The following CDK12 variants were observed in gnomAD, a reference collection of about 807,000 sequenced individuals.
CDK12 encodes the protein cyclin dependent kinase 12.
A neutral mutation model predicts 133.8 loss-of-function variants in CDK12; 17 were observed. The ratio of observed to expected loss-of-function variants is 0.13; its 90% confidence interval spans 0.09 to 0.19. The LOEUF is 0.19. Ranked by LOEUF, CDK12 falls within the 10% of genes least tolerant of loss-of-function variation. The probability of loss-of-function intolerance (pLI) is 1.00; values close to 1 mark genes in which losing one functional copy is unlikely to be tolerated. For missense variants in CDK12, 1,508 were observed against 1,818.7 expected (o/e 0.83, Z 3.11); for synonymous variants, 694 against 683.6 (o/e 1.02, Z -0.24).
At chr17:39,496,309 C>G (rs2052106780) in intron 5 of CDK12, among the ~76,000 whole-genome samples, 1 of 152,116 alleles carries the variant, frequency 6.6e-6, no homozygotes, top group Non-Finnish European at 1.5e-5. Flanking sequence ...AGCAATTTCT[C>G]ATATCATTAA....
chr17:39,471,044 G>A lies in CDK12; in HGVS notation c.1212G>A (p.Lys404=). The A allele has an allele frequency of 2.5e-6, 4 of 1,614,076 alleles. No individual in the cohort carries two copies. Among genetic ancestry groups the A allele is most frequent in the Non-Finnish European group, 3.4e-6 (4 of 1,180,012 alleles). The change falls in exon 2 of 14, where the codon AAG becomes AAA. Residue 404 remains lysine, a synonymous_variant. Transcript: ENST00000447079. ...SLGAELSRKK[K]ERAAAAAAAK... is the part of the protein sequence containing the mutation. ...GAGCTGAACTCAGTAGGAAAAAGAA[G>A]GAAAGAGCAGCTGCTGCTGCTGCAG...
chr17:39,495,852 C>T (rs1199308685), intron 5 of CDK12, among the ~76,000 whole-genome samples: 2 of 151,060 alleles, frequency 1.3e-5, no homozygotes. Flanking sequence ...AATATACTAC[C>T]ATCCATGGAA....
At position 39,530,938 on chromosome 17, in the gene CDK12, C is replaced by T. The variant is rs750230973; in HGVS notation, c.4095C>T (p.Ser1365=). ...ACTCTGGTCCAGCCTTGACAGAATC[C>T]TTGGTCCAGACCCTGGTGAAGAACA... ...ERNSGPALTE[S]LVQTLVKNRT... is the part of the protein sequence containing the mutation. The change falls in exon 14 of 14, where the codon TCC becomes TCT. Residue 1365 remains serine, a synonymous_variant. Transcript: ENST00000447079. 6.2e-7 allele frequency: 1 copy of T among 1,614,252 alleles called. No homozygotes were observed. Among genetic ancestry groups the T allele is most frequent in the Non-Finnish European group, 8.5e-7 (1 of 1,180,044 alleles).
At chr17:39,526,374 A>T in intron 13 of CDK12, 58 bp downstream of exon 13, 1 of 1,339,496 alleles carries the variant, frequency 7.5e-7, no homozygotes. Flanking sequence ...CCCTCTTAAA[A>T]ATCTCTTAAC....
Position 39,531,418 on chromosome 17 carries a change from T to C in CDK12, c.*102T>C. 8.5e-7 allele frequency: 1 copy of C among 1,174,938 alleles called. No homozygotes were observed. Among genetic ancestry groups the C allele is most frequent in the Non-Finnish European group, 1.1e-6 (1 of 897,116 alleles). 72.8% of individuals were successfully genotyped at this position (1,174,938 alleles called of 1,614,324 possible). On this transcript the variant is annotated 3_prime_UTR_variant, in exon 14 of 14. Coordinates refer to ENST00000447079, the MANE Select transcript of CDK12 (RefSeq NM_016507.4). ...CATTTGCCAGAGCGAGGTAATCATC[T>C]GCATTTGGCTACTGCAAAGCTGTCC...
At chr17:39,476,871 A>G (rs1354356456) in intron 2 of CDK12, among the ~76,000 whole-genome samples, 1 of 143,642 alleles carries the variant, frequency 7.0e-6, no homozygotes, top group Non-Finnish European at 1.5e-5. Context: ...ACGGGTGCCC[A>G]CCACCACGCC....
chr17:39,507,159 G>C (rs1177315670), intron 6 of CDK12, among the ~76,000 whole-genome samples: 1 of 151,656 alleles, frequency 6.6e-6, no homozygotes, highest in African/African-American at 2.4e-5. Context: ...GTCTCCCAAA[G>C]TGTTGGGACT....
intron 1 of CDK12, among the ~76,000 whole-genome samples, chr17:39,465,679 CAG>C (rs2049257763): frequency 6.6e-6 from 1 of 151,916 alleles, no homozygotes; most frequent in South Asian, 2.1e-4. Context: ...TTAGTAGAGA[CAG>C]GGCTTTACCA....
At chr17:39,525,594 T>G (rs1192026837) in intron 12 of CDK12, among the ~76,000 whole-genome samples, 1 of 152,176 alleles carries the variant, frequency 6.6e-6, no homozygotes, top group Non-Finnish European at 1.5e-5. Context: ...TAATAAAGGA[T>G]TGAAAATCAC....
intron 2 of CDK12, among the ~76,000 whole-genome samples, chr17:39,551,339 T>C (rs12947506): frequency 0.79 from 119,778 of 152,050 alleles, 47,705 homozygotes; most frequent in South Asian, 0.92. Flanking sequence ...CTTATCCATT[T>C]TCTTGCTTCC....
rs969510248 is a variant in CDK12, at chr17:39,534,439, G to A, written c.*3123G>A. On this transcript the variant is annotated 3_prime_UTR_variant, in exon 14 of 14. Coordinates refer to ENST00000447079, the MANE Select transcript of CDK12 (RefSeq NM_016507.4). ...CTCTCGTTTTTGACCCCCATTGGGTGTATCTTGTCTATGTACAGATATTTT... is the reference window on the plus strand; with the variant it reads ...CTCTCGTTTTTGACCCCCATTGGGTATATCTTGTCTATGTACAGATATTTT... 6.0e-5 allele frequency: 14 copies of A among 232,606 alleles called. No homozygotes were observed. The highest frequency in any genetic ancestry group is 1.1e-4 in the Admixed American group (2 of 17,762). The allele number at this position is 232,606 out of a possible 1,614,324, so 14.4% of individuals were successfully genotyped here. A position where few individuals can be genotyped will look rare whatever the true frequency, so the allele number is the denominator to read the frequency against.
chr17:39,540,735 G>A (rs1598218725), intron 1 of CDK12, among the ~76,000 whole-genome samples: 1 of 152,214 alleles, frequency 6.6e-6, no homozygotes, highest in Admixed American at 6.5e-5. Flanking sequence ...TATTAATTGG[G>A]CTGGGACTGG....
intron 12 of CDK12, among the ~76,000 whole-genome samples, 178 bp downstream of exon 12, chr17:39,525,063 T>C (rs2054413247): frequency 6.6e-6 from 1 of 152,228 alleles, no homozygotes; most frequent in Non-Finnish European, 1.5e-5. Flanking sequence ...TTCGTACATA[T>C]GGTCCAGAAA....
At chr17:39,482,807 G>T (rs1158406630) in intron 2 of CDK12, among the ~76,000 whole-genome samples, 2 of 151,382 alleles carry the variant, frequency 1.3e-5, no homozygotes, top group African/African-American at 4.9e-5. Flanking sequence ...ATGCCATATT[G>T]GCTAGGCTGT....
At chr17:39,552,976 G>A (rs1189812130) in intron 2 of CDK12, among the ~76,000 whole-genome samples, 1 of 152,172 alleles carries the variant, frequency 6.6e-6, no homozygotes, top group African/African-American at 2.4e-5. Context: ...TGATCCGCCT[G>A]CCTCGGCCTC....
chr17:39,490,700 C>T lies in CDK12; in HGVS notation c.2075C>T (p.Thr692Ile), dbSNP rs749151725. ...PPDSPEPKAI[T>I]PPQQPYKKRP... ...GACTCTCCAGAACCAAAGGCAATCA[C>T]ACCACCTCAGCAACCATATAAAAAG... is the stretch of plus-strand genomic sequence containing the variant. Residue 692 changes from threonine (T) to isoleucine (I), a missense_variant, in exon 3 of 14, where the codon ACA becomes ATA. Coordinates refer to ENST00000447079, the MANE Select transcript of CDK12 (RefSeq NM_016507.4). 1.1e-5 allele frequency: 17 copies of T among 1,613,164 alleles called. No homozygotes were observed. The highest frequency in any genetic ancestry group is 1.7e-5 in the Admixed American group (1 of 59,796).
chr17:39,494,400 G>C (rs2051904676), intron 4 of CDK12, 124 bp from the exon 5 acceptor site: 2 of 746,874 alleles, frequency 2.7e-6, no homozygotes, highest in Non-Finnish European at 4.5e-6. Context: ...AGGTGTATAA[G>C]TATCTCGTGT....
At chr17:39,539,782 A>C (rs932857577) in intron 1 of CDK12, among the ~76,000 whole-genome samples, 2 of 152,250 alleles carry the variant, frequency 1.3e-5, no homozygotes, top group Admixed American at 6.5e-5. Flanking sequence ...GGACTTATTC[A>C]GAAACAATTA....
In CDK12 at chr17:39,476,788, T is replaced by C. The variant is rs558968387; in HGVS notation, c.1931+5025T>C. ...CCCAGGCTGGAGTGCAATGGGGCAA[T>C]CTCAGCTCACGCAACCTCCGCCTCC... On this transcript the variant is annotated intron_variant, in intron 2 of 13. Transcript: ENST00000447079. 4.5e-3 allele frequency among the ~76,000 whole-genome samples: 599 copies of C among 133,502 alleles called. 2 individuals carry two copies. Among genetic ancestry groups the C allele is most frequent in the African/African-American group, 0.016 (566 of 35,286 alleles). The allele number at this position is 133,502 out of a possible 152,430, so 87.6% of individuals were successfully genotyped here.
Sources: gnomAD v4.1 joint callset for allele counts (sites outside exome capture counted in the v4.1 genomes callset) on GRCh38, gnomAD v4.1.1 for gene constraint, MANE v1.5 for transcripts, NCBI Gene and HGNC (gene_info 2026-07-23, HGNC 2026-07-21) for gene names.